The following HS6ST3 variants were observed in gnomAD, a reference collection of about 807,000 sequenced individuals.
HS6ST3 encodes heparan sulfate 6-O-sulfotransferase 3, also known as heparan-sulfate 6-O-sulfotransferase 3.
In HS6ST3, 12 loss-of-function variants were observed where a neutral mutation model predicts 36.7. The observed-to-expected ratio is 0.33, with a 90% confidence interval of 0.21 to 0.53. The LOEUF (loss-of-function observed/expected upper bound fraction) is 0.53, where lower values mean the gene tolerates loss of function less well. Among genes scored for constraint, HS6ST3 ranks in the 20% least tolerant of loss-of-function variants. The pLI, the probability that HS6ST3 is intolerant of heterozygous loss-of-function variation, is 0.95. For missense variants in HS6ST3, 584 were observed against 640.9 expected (o/e 0.91, Z 0.96); for synonymous variants, 240 against 257.5 (o/e 0.93, Z 0.65).
intron 1 of HS6ST3, among the ~76,000 whole-genome samples, chr13:96,489,349 G>A (rs2055932900): frequency 6.7e-6 from 1 of 149,822 alleles, no homozygotes; most frequent in African/African-American, 2.4e-5. Flanking sequence ...AAGAATTTGT[G>A]GCAGGAATAT....
intron 1 of HS6ST3, among the ~76,000 whole-genome samples, chr13:96,251,918 T>C (rs1014641390): frequency 6.6e-6 from 1 of 152,214 alleles, no homozygotes; most frequent in Non-Finnish European, 1.5e-5. Flanking sequence ...AAGTAAAAGA[T>C]ACTTGTTATA....
intron 1 of HS6ST3, among the ~76,000 whole-genome samples, chr13:96,571,573 T>C (rs552384793): frequency 6.6e-6 from 1 of 152,348 alleles, no homozygotes; most frequent in East Asian, 1.9e-4. Flanking sequence ...GTATAACAAA[T>C]TAATCTCCAA....
intron 1 of HS6ST3, among the ~76,000 whole-genome samples, chr13:96,379,630 GT>G (rs2055331444): frequency 6.6e-6 from 1 of 152,212 alleles, no homozygotes; most frequent in Admixed American, 6.5e-5. Flanking sequence ...TCCATGTGGA[GT>G]TGATATAATC....
rs982078031 is a variant in HS6ST3, at chr13:96,393,470, C to T, written c.707+301901C>T. Among the ~76,000 whole-genome samples the T allele has an allele frequency of 5.3e-5, 8 of 152,258 alleles. No individual in the cohort carries two copies. In the East Asian group the frequency reaches 1.4e-3, roughly 26 times the overall value. On this transcript the variant is annotated intron_variant, in intron 1 of 1. Coordinates refer to ENST00000376705, the MANE Select transcript of HS6ST3 (RefSeq NM_153456.4). ...TTTCATTTTATAACCTGAATCCTTT[C>T]TTAGTAATTATTATCTTCATACTGA...
intron 1 of HS6ST3, among the ~76,000 whole-genome samples, chr13:96,301,946 T>TG (rs2054885281): frequency 7.1e-6 from 1 of 140,864 alleles, no homozygotes; most frequent in Admixed American, 7.3e-5. Flanking sequence ...TAATAATAAT[T>TG]TCTAAAAGTA....
intron 1 of HS6ST3, among the ~76,000 whole-genome samples, chr13:96,813,073 G>C (rs1225268589): frequency 6.6e-6 from 1 of 152,184 alleles, no homozygotes; most frequent in East Asian, 1.9e-4. Context: ...ATCTGGCAGA[G>C]GAACTGTATT....
chr13:96,616,591 T>G (rs1339218576), intron 1 of HS6ST3, among the ~76,000 whole-genome samples: 1 of 152,216 alleles, frequency 6.6e-6, no homozygotes, highest in East Asian at 1.9e-4. Context: ...GAAATTACTC[T>G]GTTTTACAAT....
intron 1 of HS6ST3, among the ~76,000 whole-genome samples, chr13:96,131,335 C>A (rs903478431): frequency 2.6e-5 from 4 of 151,866 alleles, no homozygotes; most frequent in African/African-American, 9.7e-5. Flanking sequence ...CTACTTAAGG[C>A]TTAGGATATT....
At chr13:96,597,484 AT>A (rs1451930212) in intron 1 of HS6ST3, among the ~76,000 whole-genome samples, 2 of 152,150 alleles carry the variant, frequency 1.3e-5, no homozygotes, top group Non-Finnish European at 2.9e-5. Flanking sequence ...TTTGAGAAAA[AT>A]ATGAACAGAT....
At chr13:96,282,313 A>T (rs1220165529) in intron 1 of HS6ST3, among the ~76,000 whole-genome samples, 1 of 152,214 alleles carries the variant, frequency 6.6e-6, no homozygotes, top group Non-Finnish European at 1.5e-5. Context: ...GGAGGAGTCC[A>T]GCTAGATGTG....
chr13:96,825,068 G>A (rs1878621094), intron 1 of HS6ST3, among the ~76,000 whole-genome samples: 1 of 152,152 alleles, frequency 6.6e-6, no homozygotes, highest in Admixed American at 6.5e-5. Flanking sequence ...GAGCAGGCTG[G>A]GTGGAGGAGT....
At chr13:96,557,766 C>T (rs1462365578) in intron 1 of HS6ST3, among the ~76,000 whole-genome samples, 1 of 152,156 alleles carries the variant, frequency 6.6e-6, no homozygotes, top group Non-Finnish European at 1.5e-5. Context: ...CTCAATCTTT[C>T]TGCTGCCTTT....
intron 1 of HS6ST3, among the ~76,000 whole-genome samples, chr13:96,099,029 C>T (rs896988046): frequency 7.2e-5 from 11 of 152,136 alleles, no homozygotes; most frequent in Admixed American, 2.0e-4. Context: ...CTGCAACCTC[C>T]GCCTCACAGG....
chr13:96,493,644 C>T (rs1037181024), intron 1 of HS6ST3, among the ~76,000 whole-genome samples: 7 of 152,058 alleles, frequency 4.6e-5, no homozygotes, highest in African/African-American at 1.4e-4. Flanking sequence ...ATGAACTGAA[C>T]GACATATTCT....
intron 1 of HS6ST3, among the ~76,000 whole-genome samples, chr13:96,332,754 T>G (rs2055078291): frequency 6.6e-6 from 1 of 152,260 alleles, no homozygotes; most frequent in Non-Finnish European, 1.5e-5. Context: ...AACCATGAAC[T>G]GACTTGTGTA....
intron 1 of HS6ST3, among the ~76,000 whole-genome samples, chr13:96,754,357 A>G (rs1032563391): frequency 2.0e-5 from 3 of 152,188 alleles, no homozygotes; most frequent in African/African-American, 7.2e-5. Context: ...ACTAGGTTTG[A>G]TCATACATAA....
chr13:96,109,307 A>G (rs2053857275), intron 1 of HS6ST3, among the ~76,000 whole-genome samples: 1 of 152,204 alleles, frequency 6.6e-6, no homozygotes, highest in Non-Finnish European at 1.5e-5. Flanking sequence ...GTGACTCAGC[A>G]GATCGTATGT....
intron 1 of HS6ST3, among the ~76,000 whole-genome samples, chr13:96,676,085 T>C (rs891449416): frequency 2.6e-5 from 4 of 152,196 alleles, no homozygotes; most frequent in Non-Finnish European, 5.9e-5. Context: ...ACAGGGTCCC[T>C]GTTAGTTTGC....
intron 1 of HS6ST3, among the ~76,000 whole-genome samples, chr13:96,298,706 T>C (rs2139402463): frequency 6.6e-6 from 1 of 152,312 alleles, no homozygotes; most frequent in African/African-American, 2.4e-5. Flanking sequence ...TAGATATTAG[T>C]TGACCTGTCA....
Sources: allele counts gnomAD v4.1 joint callset (sites outside exome capture counted in the v4.1 genomes callset), GRCh38; gene constraint gnomAD v4.1.1; transcripts MANE v1.5; gene names NCBI Gene and HGNC (gene_info 2026-07-23, HGNC 2026-07-21).